Variants in AP3S1 observed in about 807,000 individuals in gnomAD.
AP3S1 encodes adaptor related protein complex 3 subunit sigma 1.
AP3S1 carries 12 observed loss-of-function variants against 21.3 expected under a neutral mutation model. The observed-to-expected ratio is 0.56, with a 90% CI of 0.36 to 0.91. AP3S1 has a LOEUF of 0.91. AP3S1 is among the 40% of genes least tolerant of loss of function. The probability of loss-of-function intolerance (pLI) is 0.01; values close to 1 mark genes in which losing one functional copy is unlikely to be tolerated. For synonymous variants in AP3S1, 48 were observed against 78.4 expected (o/e 0.61, Z 2.05); for missense variants, 116 against 225.0 (o/e 0.52, Z 3.10).
At chr5:115,856,415 G>T (rs1239043921) in intron 1 of AP3S1, among the ~76,000 whole-genome samples, 2 of 149,058 alleles carry the variant, frequency 1.3e-5, no homozygotes, top group Non-Finnish European at 3.0e-5. Context: ...AATCAAGCTA[G>T]TTAATACATC....
chr5:115,910,176 G>A (rs1388905251), intron 5 of AP3S1, among the ~76,000 whole-genome samples: 1 of 149,492 alleles, frequency 6.7e-6, no homozygotes, highest in Non-Finnish European at 1.5e-5. Flanking sequence ...CAGATGGGAA[G>A]ATCACTTGAG....
chr5:115,896,349 A>G (rs2112550548), intron 4 of AP3S1, among the ~76,000 whole-genome samples: 1 of 152,356 alleles, frequency 6.6e-6, no homozygotes, highest in East Asian at 1.9e-4. Context: ...CATTTTGGAC[A>G]GTGTACTTAA....
chr5:115,894,051 G>C (rs970218772), intron 3 of AP3S1, among the ~76,000 whole-genome samples: 1 of 152,250 alleles, frequency 6.6e-6, no homozygotes, highest in Non-Finnish European at 1.5e-5. Context: ...GATTTACTGG[G>C]ATGCACTGGA....
Position 115,913,629 on chromosome 5 carries a change from G to A in AP3S1, c.*139G>A. The stretch of plus-strand genomic sequence containing the variant: ...TAAGTCAAGGTACTGTATAGAAGTT[G>A]TGTAAAATCAGTATGAAAGTTCAAT... On this transcript the variant is annotated 3_prime_UTR_variant, in exon 6 of 6. Transcript: ENST00000316788. The A allele has an allele frequency of 7.4e-7, 1 of 1,344,700 alleles. No homozygotes were observed. Among genetic ancestry groups the A allele is most frequent in the Non-Finnish European group, 1.0e-6 (1 of 1,001,290 alleles). The allele number at this position is 1,344,700 out of a possible 1,614,324, so 83.3% of individuals were successfully genotyped here.
At chr5:115,866,091 C>T (rs11241336) in intron 1 of AP3S1, among the ~76,000 whole-genome samples, 21,920 of 152,116 alleles carry the variant, frequency 0.14, 2,039 homozygotes, top group East Asian at 0.33. Context: ...CCACTGTGCC[C>T]GGCCAGGACG....
At chr5:115,902,504 C>G (rs1351212447) in intron 4 of AP3S1, among the ~76,000 whole-genome samples, 1 of 152,084 alleles carries the variant, frequency 6.6e-6, no homozygotes, top group African/African-American at 2.4e-5. Flanking sequence ...GGCTAAGAAT[C>G]TGGCATAAAA....
intron 1 of AP3S1, among the ~76,000 whole-genome samples, chr5:115,857,041 A>G (rs1762851648): frequency 6.6e-6 from 1 of 152,204 alleles, no homozygotes; most frequent in Non-Finnish European, 1.5e-5. Context: ...CAGCATTCTA[A>G]GAAGATTCCA....
At position 115,868,689 on chromosome 5, in the gene AP3S1, C is replaced by A. The variant is rs950845386; in HGVS notation, c.162-1328C>A. ...CTGAGCTCAGGAGTTCGAGACCAGC[C>A]TGGGCAACATGGTGAAACCCCATCT... On this transcript the variant is annotated intron_variant, in intron 2 of 5. Transcript: ENST00000316788. Among the ~76,000 whole-genome samples the A allele has an allele frequency of 1.5e-4, 23 of 151,982 alleles. 1 individual carries two copies. Among genetic ancestry groups the A allele is most frequent in the Admixed American group, 7.9e-4 (12 of 15,252 alleles).
At chr5:115,873,060 A>G (rs1211041613) in intron 3 of AP3S1, among the ~76,000 whole-genome samples, 2 of 152,218 alleles carry the variant, frequency 1.3e-5, no homozygotes, top group Non-Finnish European at 2.9e-5. Flanking sequence ...AAATGTTGCT[A>G]TTAAGAAAGA....
At chr5:115,912,735 A>T (rs1464871151) in intron 5 of AP3S1, among the ~76,000 whole-genome samples, 1 of 152,062 alleles carries the variant, frequency 6.6e-6, no homozygotes, top group African/African-American at 2.4e-5. Context: ...CTCTTCGTGT[A>T]GTTTCATCTT....
intron 3 of AP3S1, among the ~76,000 whole-genome samples, chr5:115,891,142 TTTGGGTGG>T (rs1454416018): frequency 6.6e-6 from 1 of 151,800 alleles, no homozygotes; most frequent in Non-Finnish European, 1.5e-5. Flanking sequence ...AAGTTGGGAG[TTTGGGTGG>T]ATACTAAATG....
chr5:115,860,076 A>G (rs1224433901), intron 1 of AP3S1, among the ~76,000 whole-genome samples: 1 of 152,084 alleles, frequency 6.6e-6, no homozygotes, highest in Non-Finnish European at 1.5e-5. Flanking sequence ...TCTGGGAGAG[A>G]ATCTATGTTC....
chr5:115,855,049 A>ATCTG (rs1209908327), intron 1 of AP3S1, among the ~76,000 whole-genome samples: 1 of 149,842 alleles, frequency 6.7e-6, no homozygotes, highest in Non-Finnish European at 1.5e-5. Flanking sequence ...CTATCTATCT[A>ATCTG]TCTATCTATC....
intron 5 of AP3S1, among the ~76,000 whole-genome samples, chr5:115,908,449 C>T (rs917817996): frequency 5.3e-5 from 8 of 152,078 alleles, no homozygotes; most frequent in Admixed American, 1.3e-4. Flanking sequence ...TGAGCTGGTT[C>T]TGCCTCTCTA....
At chr5:115,866,627 C>G in intron 1 of AP3S1, 43 bp from the exon 2 acceptor site, 2 of 1,369,954 alleles carry the variant, frequency 1.5e-6, no homozygotes, top group Non-Finnish European at 1.0e-6. Flanking sequence ...TGCTATTAAA[C>G]CTATACACTC....
chr5:115,870,785 A>T (rs1456835445), intron 3 of AP3S1, among the ~76,000 whole-genome samples: 39 of 152,314 alleles, frequency 2.6e-4, no homozygotes, highest in Non-Finnish European at 4.4e-5. Flanking sequence ...AGATTTTGTT[A>T]AGAATTGTGA....
At chr5:115,857,139 C>T (rs1762857462) in intron 1 of AP3S1, among the ~76,000 whole-genome samples, 1 of 152,124 alleles carries the variant, frequency 6.6e-6, no homozygotes, top group Non-Finnish European at 1.5e-5. Flanking sequence ...TGACCTCTTC[C>T]TTGATAAGCA....
chr5:115,851,540 G>A (rs973215904), intron 1 of AP3S1, among the ~76,000 whole-genome samples: 1 of 151,980 alleles, frequency 6.6e-6, no homozygotes, highest in African/African-American at 2.4e-5. Context: ...GCCTCATTAT[G>A]GTTTTGATTT....
At chr5:115,910,696 CTTT>C (rs961320124) in intron 5 of AP3S1, among the ~76,000 whole-genome samples, 1 of 150,618 alleles carries the variant, frequency 6.6e-6, no homozygotes, top group Non-Finnish European at 1.5e-5. Context: ...GACATAAAGT[CTTT>C]TTTTTTAGCC....
Sources: allele counts gnomAD v4.1 joint callset (sites outside exome capture counted in the v4.1 genomes callset), GRCh38; gene constraint gnomAD v4.1.1; transcripts MANE v1.5; gene names NCBI Gene and HGNC (gene_info 2026-07-23, HGNC 2026-07-21).